Variants in ZFYVE26 observed in about 807,000 individuals in gnomAD.
ZFYVE26 encodes zinc finger FYVE-type containing 26.
A neutral mutation model predicts 276.5 loss-of-function variants in ZFYVE26; 181 were observed. The ratio of observed to expected loss-of-function variants is 0.65; its 90% CI spans 0.58 to 0.74. The LOEUF is 0.74. Ranked by LOEUF, ZFYVE26 falls within the 30% of genes least tolerant of loss-of-function variation. ZFYVE26 has a pLI of 0.00. For synonymous variants in ZFYVE26, 1,129 were observed against 1,203.1 expected (o/e 0.94, Z 1.27); for missense variants, 2,821 against 3,097.9 (o/e 0.91, Z 2.12).
At chr14:67,729,823 T>C (rs2038245039) in intron 13 of ZFYVE26, 1 of 477,126 alleles carries the variant, frequency 2.1e-6, no homozygotes, top group African/African-American at 2.0e-5. Flanking sequence ...GCACTATCTG[T>C]TGAAATATAG....
intron 35 of ZFYVE26, among the ~76,000 whole-genome samples, chr14:67,758,625 TTTTA>T (rs145025077): frequency 0.92 from 138,546 of 150,102 alleles, 64,364 homozygotes; most frequent in Non-Finnish European, 0.98. Context: ...ATAAATAGAA[TTTTA>T]TTTATTTATT....
chr14:67,786,270 A>AAAAAAAAAG, intron 16 of ZFYVE26, 37 bp from the exon 17 acceptor site: 1 of 1,593,014 alleles, frequency 6.3e-7, no homozygotes. Context: ...TGCAAAAAAA[A>AAAAAAAAAG]AAAATTGAAG....
At position 67,786,134 on chromosome 14, in the gene ZFYVE26, G is replaced by A; in HGVS notation, c.3119C>T (p.Ser1040Leu). Residue 1040 changes from serine (S) to leucine (L), a missense_variant, in exon 17 of 42, where the codon TCA becomes TTA. By Grantham distance (145) the Ser-to-Leu change is moderately radical (BLOSUM62 -2). Transcript: ENST00000347230. ...ISKSLNYLLM[S>L]ASQTKSESVE... The stretch of plus-strand genomic sequence containing the variant: ...CTCACCTGATTTGGTTTGACTGGCT[G>A]ACATAAGCAGATAATTGAGACTCTT... The A allele has an allele frequency of 6.2e-7, 1 of 1,614,026 alleles. No individual in the cohort carries two copies. Among genetic ancestry groups the A allele is most frequent in the Non-Finnish European group, 8.5e-7 (1 of 1,180,016 alleles).
At chr14:67,752,239 A>G (rs1186798006) in intron 40 of ZFYVE26, 105 bp downstream of exon 40, 23 of 1,392,102 alleles carry the variant, frequency 1.7e-5, no homozygotes, top group Non-Finnish European at 2.3e-5. Flanking sequence ...TGATAAAAGG[A>G]TCTTGTAGAG....
intron 35 of ZFYVE26, chr14:67,760,668 CAGTGAGCTGTGATCATGCCACTGCATTCT>C (rs2038905721): frequency 6.4e-6 from 1 of 156,412 alleles, no homozygotes; most frequent in Non-Finnish European, 1.4e-5. Flanking sequence ...GTCAAGGGTG[CAGTGAGCTGTGATCATGCCACTGCATTCT>C]AGCCTGGGCA....
In ZFYVE26 at chr14:67,780,230, G is replaced by C. The variant is rs748422229; in HGVS notation, c.4674+11C>G. 1.9e-6 allele frequency: 3 copies of C among 1,612,666 alleles called. No individual in the cohort carries two copies. The highest frequency in any genetic ancestry group is 2.5e-6 in the Non-Finnish European group (3 of 1,179,114). ...GAGGATGAAGGGGAACACCACCCAG[G>C]AAAACGGTACCTGTGCTTCTAGAAT... On this transcript the variant is annotated intron_variant, in intron 23 of 41. Coordinates refer to ENST00000347230, the MANE Select transcript of ZFYVE26 (RefSeq NM_015346.4).
At position 67,766,462 on chromosome 14, in the gene ZFYVE26, A is replaced by G; in HGVS notation, c.5791-15T>C. 1.2e-6 allele frequency: 2 copies of G among 1,611,582 alleles called. No homozygotes were observed. Among genetic ancestry groups the G allele is most frequent in the Admixed American group, 1.7e-5 (1 of 60,022 alleles). ...GCGCTGGGGGCCTGGCCGGGGTGGA[A>G]GAAGGGAGAACACACGGTGAGTCCA... On this transcript the variant is annotated splice_polypyrimidine_tract_variant and intron_variant, in intron 31 of 41. Coordinates refer to ENST00000347230, the MANE Select transcript of ZFYVE26 (RefSeq NM_015346.4).
intron 31 of ZFYVE26, among the ~76,000 whole-genome samples, chr14:67,767,150 G>A (rs1470377060): frequency 6.6e-6 from 1 of 152,014 alleles, no homozygotes. Context: ...TGGACACACT[G>A]CTGCTAAATT....
intron 12 of ZFYVE26, chr14:67,797,255 T>G (rs930731147): frequency 1.1e-5 from 3 of 267,764 alleles, no homozygotes; most frequent in African/African-American, 6.7e-5. Context: ...CAAGGTTTTT[T>G]ACTACAGCAC....
intron 35 of ZFYVE26, 108 bp downstream of exon 35, chr14:67,761,258 T>C: frequency 1.9e-6 from 2 of 1,049,332 alleles, no homozygotes; most frequent in Non-Finnish European, 1.4e-6. Context: ...GCCCCATAGC[T>C]CAACACAGGG....
intron 10 of ZFYVE26, chr14:67,798,993 C>A: frequency 8.8e-7 from 1 of 1,136,712 alleles, no homozygotes; most frequent in Non-Finnish European, 1.3e-6. Flanking sequence ...TTTACGGATA[C>A]TCTCTGCCCT....
At chr14:67,812,922 G>A (rs2040332690) in intron 3 of ZFYVE26, among the ~76,000 whole-genome samples, 1 of 152,130 alleles carries the variant, frequency 6.6e-6, no homozygotes, top group Non-Finnish European at 1.5e-5. Flanking sequence ...TCTTAATGAT[G>A]CTGGGTTTCA....
At position 67,751,248 on chromosome 14, in the gene ZFYVE26, T is replaced by C. The variant is rs112943060; in HGVS notation, c.7372-152A>G. 11 of 785,828 alleles carry C rather than the reference T, an allele frequency of 1.4e-5. No homozygotes were observed. The African/African-American group carries it at 1.7e-4, about 12-fold the overall frequency. 48.7% of individuals were successfully genotyped at this position (785,828 alleles called of 1,614,324 possible). A position where few individuals can be genotyped will look rare whatever the true frequency, so the allele number is the denominator to read the frequency against. The stretch of plus-strand genomic sequence containing the variant: ...CTCAAAGACATGGGGTCTCACTATG[T>C]TGCCCATGCTGGAGTGTAGTGGCTT... On this transcript the variant is annotated intron_variant, in intron 40 of 41. Coordinates refer to ENST00000347230, the MANE Select transcript of ZFYVE26 (RefSeq NM_015346.4).
rs560181844 is a variant in ZFYVE26, at chr14:67,812,831, T to A, written c.273+1155A>T. 1.2e-4 allele frequency among the ~76,000 whole-genome samples: 18 copies of A among 152,348 alleles called. No homozygotes were observed. In the South Asian group the frequency reaches 3.7e-3, roughly 32 times the overall value. On this transcript the variant is annotated intron_variant, in intron 3 of 41. Transcript: ENST00000347230. ...CCTTAATCAGTAACAATAGTTCTTT[T>A]TCTCTTTGAAGATACTATAGTAACT...
At chr14:67,730,788 G>A (rs1373673128) in intron 13 of ZFYVE26, among the ~76,000 whole-genome samples, 1 of 152,042 alleles carries the variant, frequency 6.6e-6, no homozygotes, top group Non-Finnish European at 1.5e-5. Context: ...ATTTTTAGTC[G>A]AGATGGGCTT....
rs994137932 is a variant in ZFYVE26, at chr14:67,798,394, A to G, written c.1868T>C (p.Ile623Thr). The G allele has an allele frequency of 6.8e-6, 11 of 1,612,580 alleles. No individual in the cohort carries two copies. The highest frequency in any genetic ancestry group is 9.3e-6 in the Non-Finnish European group (11 of 1,179,042). Residue 623 changes from isoleucine (I) to threonine (T), a missense_variant, in exon 11 of 42, where the codon ATA (isoleucine) becomes ACA (threonine). By Grantham distance (89) the Ile-to-Thr change is moderately conservative. Transcript: ENST00000347230. Reference protein sequence around the residue: ...LRSPSESPQHIAHPERKSERG... With the variant: ...LRSPSESPQHTAHPERKSERG... Reference sequence around the variant, plus strand: ...TTCTGACTTCCTTTCAGGATGTGCTATGTGCTGAGGGCTCTCTGATGGGGA... The same window carrying G: ...TTCTGACTTCCTTTCAGGATGTGCTGTGTGCTGAGGGCTCTCTGATGGGGA...
chr14:67,762,554 C>T (rs2038960976), intron 33 of ZFYVE26, 118 bp downstream of exon 33: 1 of 1,568,020 alleles, frequency 6.4e-7, no homozygotes, highest in Non-Finnish European at 8.7e-7. Flanking sequence ...TAGTCATGTC[C>T]CCGATTCTAC....
In ZFYVE26 at chr14:67,809,290, C is replaced by T; in HGVS notation, c.274-1G>A. The T allele has an allele frequency of 6.2e-7, 1 of 1,608,746 alleles. No individual in the cohort carries two copies. The highest frequency in any genetic ancestry group is 8.5e-7 in the Non-Finnish European group (1 of 1,175,548). On this transcript the variant is annotated splice_acceptor_variant, in intron 3 of 41. Coordinates refer to ENST00000347230, the MANE Select transcript of ZFYVE26 (RefSeq NM_015346.4). LOFTEE classifies it high-confidence loss of function. ...TCCGGAAAACAACTGGGAGTAACTT[C>T]TAGAAGAATCAAAAGAATGAAGCAT...
chr14:67,729,812 G>C (rs749675768), exon 14 of ZFYVE26: 1 of 487,106 alleles, frequency 2.1e-6, no homozygotes, highest in Non-Finnish European at 4.1e-6. Flanking sequence ...TGCCAAGATT[G>C]GCACTATCTG....
Sources: allele counts gnomAD v4.1 joint callset (sites outside exome capture counted in the v4.1 genomes callset), GRCh38; gene constraint gnomAD v4.1.1; transcripts MANE v1.5; gene names NCBI Gene and HGNC (gene_info 2026-07-23, HGNC 2026-07-21).